Variants in ADPRHL1 observed in about 807,000 individuals in gnomAD.
ADPRHL1 encodes the protein ADP-ribosylhydrolase like 1, also known as inactive ADP-ribosyltransferase ARH2.
In ADPRHL1, 43 loss-of-function variants were observed where a neutral mutation model predicts 44.1. The ratio of observed to expected loss-of-function variants is 0.98; its 90% CI spans 0.76 to 1.26. The LOEUF (loss-of-function observed/expected upper bound fraction) is 1.26. ADPRHL1 is among the 50% of genes most tolerant of loss of function. The pLI, the probability that ADPRHL1 is intolerant of heterozygous loss-of-function variation, is 0.00. For missense variants in ADPRHL1, 2,022 were observed against 2,496.9 expected (o/e 0.81, Z 4.05); for synonymous variants, 878 against 1,017.4 (o/e 0.86, Z 2.61).
In ADPRHL1 at chr13:113,403,552, AG is replaced by A; in HGVS notation, c.5729del (p.Pro1910LeufsTer46). Reference protein sequence around the residue: ...APAQEGSPDHPGAERALQDRM... With the variant: ...APAQEGSPDHXGAERALQDRM... Reference sequence around the variant, plus strand: ...TGTCCTGCAGGGCCCTCTCAGCCCCAGGGTGGTCTGGGGACCCCTCCTGGGC... The same window carrying A: ...TGTCCTGCAGGGCCCTCTCAGCCCCAGGTGGTCTGGGGACCCCTCCTGGGC... On this transcript the variant is annotated frameshift_variant, in exon 8 of 8. Transcript: ENST00000612156. LOFTEE classifies it low-confidence loss of function (END_TRUNC). 2 of 1,231,826 alleles carry A rather than the reference AG, an allele frequency of 1.6e-6. No individual in the cohort carries two copies. Among genetic ancestry groups the A allele is most frequent in the African/African-American group, 1.6e-5 (1 of 64,486 alleles). The allele number at this position is 1,231,826 out of a possible 1,614,324, so 76.3% of individuals were successfully genotyped here.
rs78954382 is a variant in ADPRHL1 at position 113,422,533 on chromosome 13, C to T, written c.1061+293G>A. The T allele has an allele frequency of 2.3e-5, 9 of 387,182 alleles. No individual in the cohort carries two copies. In the South Asian group the frequency reaches 2.4e-4, roughly 11 times the overall value. The allele number at this position is 387,182 out of a possible 1,614,324, so 24.0% of individuals were successfully genotyped here. A position where few individuals can be genotyped will look rare whatever the true frequency, so the allele number is the denominator to read the frequency against. ...AGCTCTGCGACAGAATAAAATACAG[C>T]GCCTGTCCAGGAGACTGCGGGTGAG... On this transcript the variant is annotated intron_variant, in intron 7 of 7. Transcript: ENST00000612156.
chr13:113,405,871 T>A lies in ADPRHL1; in HGVS notation c.3411A>T (p.Gly1137=). ...APAPGSTQSP[G]DRTAGEPETL... The stretch of plus-strand genomic sequence containing the variant: ...TCTCTGGCTCTCCCGCTGTGCGGTC[T>A]CCAGGGCTCTGGGTGCTGCCTGGCG... Residue 1137 remains glycine (G), a synonymous_variant, in exon 8 of 8, where the codon GGA becomes GGT. Coordinates refer to ENST00000612156, the MANE Select transcript of ADPRHL1 (RefSeq NM_001394807.1). The A allele has an allele frequency of 3.2e-6, 4 of 1,231,910 alleles. No homozygotes were observed. Among genetic ancestry groups the A allele is most frequent in the Non-Finnish European group, 4.0e-6 (4 of 988,016 alleles). 76.3% of individuals were successfully genotyped at this position (1,231,910 alleles called of 1,614,324 possible). A position where few individuals can be genotyped will look rare whatever the true frequency, so the allele number is the denominator to read the frequency against.
chr13:113,434,676 C>T (rs9604108), intron 2 of ADPRHL1, among the ~76,000 whole-genome samples: 11,543 of 96,650 alleles, frequency 0.12, 351 homozygotes, highest in Middle Eastern at 0.19. Flanking sequence ...TACCCCGGGA[C>T]CCGGCACCCA....
intron 1 of ADPRHL1, among the ~76,000 whole-genome samples, 163 bp from the exon 2 acceptor site, chr13:113,444,752 A>T (rs1464407921): frequency 6.6e-6 from 1 of 152,146 alleles, no homozygotes; most frequent in African/African-American, 2.4e-5. Flanking sequence ...CCTCCTGAGT[A>T]GCTGGGACTA....
In ADPRHL1 at chr13:113,406,097, ACTGTCATGC is replaced by A. The variant is rs749189913; in HGVS notation, c.3176_3184del (p.Gly1059_Thr1061del). The A allele has an allele frequency of 7.8e-4, 958 of 1,232,020 alleles. 2 individuals are homozygous for A. Among genetic ancestry groups the A allele is most frequent in the Non-Finnish European group, 8.3e-4 (816 of 987,996 alleles). 76.3% of individuals were successfully genotyped at this position (1,232,020 alleles called of 1,614,324 possible). On this transcript the variant is annotated inframe_deletion, in exon 8 of 8. Transcript: ENST00000612156. ...TCTGCATTCCTCCAGCGCACCGGGCACTGTCATGCCCATCGGGGTGACACCCTCAGGCCC... is the reference window on the plus strand; with the variant it reads ...TCTGCATTCCTCCAGCGCACCGGGCACCATCGGGGTGACACCCTCAGGCCC...
chr13:113,431,478 G>C (rs558586352), intron 3 of ADPRHL1, among the ~76,000 whole-genome samples: 1 of 152,194 alleles, frequency 6.6e-6, no homozygotes. Context: ...GCTCTGGGCC[G>C]GTCCTGACCC....
At chr13:113,447,516 G>A (rs181285734) in intron 1 of ADPRHL1, among the ~76,000 whole-genome samples, 8 of 152,296 alleles carry the variant, frequency 5.3e-5, no homozygotes, top group African/African-American at 7.2e-5. Context: ...GGTGTTGTGT[G>A]TGCATGGTGT....
chr13:113,426,895 C>T (rs1210326130), intron 4 of ADPRHL1, among the ~76,000 whole-genome samples: 2 of 152,162 alleles, frequency 1.3e-5, no homozygotes, highest in East Asian at 3.8e-4. Flanking sequence ...TGCAGAGGGC[C>T]GTGTCAGGTG....
chr13:113,430,945 A>C (rs1160036532), intron 3 of ADPRHL1, among the ~76,000 whole-genome samples: 1 of 152,228 alleles, frequency 6.6e-6, no homozygotes, highest in African/African-American at 2.4e-5. Context: ...TCTGCCACTC[A>C]GTCCTCACGA....
intron 6 of ADPRHL1, 71 bp from the exon 7 acceptor site, chr13:113,423,050 C>T: frequency 3.1e-6 from 5 of 1,594,716 alleles, no homozygotes; most frequent in Non-Finnish European, 3.4e-6. Flanking sequence ...CTGGGGCTGG[C>T]CGCCCCTAAG....
In ADPRHL1 at chr13:113,403,317, TG is replaced by T; in HGVS notation, c.*60del. The T allele has an allele frequency of 8.2e-7, 1 of 1,221,470 alleles. No homozygotes were observed. Among genetic ancestry groups the T allele is most frequent in the Non-Finnish European group, 1.0e-6 (1 of 978,698 alleles). 75.7% of individuals were successfully genotyped at this position (1,221,470 alleles called of 1,614,324 possible). A position where few individuals can be genotyped will look rare whatever the true frequency, so the allele number is the denominator to read the frequency against. Reference sequence around the variant, plus strand: ...ACGCATTTGGAGGCAGGAAAATGCCTGAAGTCCCTCAATGGGCGGATGTCAC... The same window carrying T: ...ACGCATTTGGAGGCAGGAAAATGCCTAAGTCCCTCAATGGGCGGATGTCAC... On this transcript the variant is annotated 3_prime_UTR_variant, in exon 8 of 8. Transcript: ENST00000612156.
In ADPRHL1 at chr13:113,406,545, T is replaced by A; in HGVS notation, c.2737A>T (p.Ser913Cys). Residue 913 changes from serine (S) to cysteine (C), a missense_variant, in exon 8 of 8, where the codon AGC (serine) becomes TGC (cysteine). Coordinates refer to ENST00000612156, the MANE Select transcript of ADPRHL1 (RefSeq NM_001394807.1). ...CGTGGCCCCTGCGGCGAAGAGGCGC[T>A]GAGTCCCGCCTGCATCCCTGAAAGC... is the stretch of plus-strand genomic sequence containing the variant. ...SKLSGMQAGL[S>C]ASSPQGPRAA... 1 of 1,232,056 alleles carries A rather than the reference T, an allele frequency of 8.1e-7. No homozygotes were observed. Among genetic ancestry groups the A allele is most frequent in the Non-Finnish European group, 1.0e-6 (1 of 987,990 alleles). The allele number at this position is 1,232,056 out of a possible 1,614,324, so 76.3% of individuals were successfully genotyped here.
In ADPRHL1 at chr13:113,426,841, G is replaced by A. The variant is rs373412679; in HGVS notation, c.647-1662C>T. On this transcript the variant is annotated intron_variant, in intron 4 of 7. Transcript: ENST00000612156. ...GGGGTTGGCCAATTCGGAAACAGAC[G>A]TCTAAATACAAAAGCAGGGAGCTAA... Among the ~76,000 whole-genome samples the A allele has an allele frequency of 2.9e-4, 44 of 152,324 alleles. 1 individual carries two copies. The South Asian group carries it at 8.9e-3, about 31-fold the overall frequency.
chr13:113,418,339 G>A (rs1228341955), intron 7 of ADPRHL1, among the ~76,000 whole-genome samples: 2 of 152,192 alleles, frequency 1.3e-5, no homozygotes, highest in African/African-American at 2.4e-5. Flanking sequence ...GGTCTGACGG[G>A]GGCTGGGCTT....
chr13:113,424,099 C>A, intron 6 of ADPRHL1, 118 bp downstream of exon 6: 13 of 1,376,210 alleles, frequency 9.4e-6, no homozygotes, highest in Non-Finnish European at 9.8e-6. Context: ...GATGGACGCA[C>A]ATGCTGGAGC....
At chr13:113,415,218 C>A (rs770736215) in intron 7 of ADPRHL1, among the ~76,000 whole-genome samples, 1 of 152,182 alleles carries the variant, frequency 6.6e-6, no homozygotes, top group Non-Finnish European at 1.5e-5. Context: ...GGGACGAGAG[C>A]CCTTCTGGAG....
At chr13:113,415,679 A>G (rs2043883591) in intron 7 of ADPRHL1, among the ~76,000 whole-genome samples, 1 of 145,130 alleles carries the variant, frequency 6.9e-6, no homozygotes, top group African/African-American at 2.5e-5. Flanking sequence ...TGAACCCAGG[A>G]AGCAGAGGTT....
At chr13:113,452,717 C>T (rs1398497966) in intron 1 of ADPRHL1, among the ~76,000 whole-genome samples, 4 of 152,196 alleles carry the variant, frequency 2.6e-5, no homozygotes, top group Non-Finnish European at 5.9e-5. Flanking sequence ...AGATGATATT[C>T]TAACTTTAAT....
At chr13:113,408,880 T>TGCAGAGAGGAAGGGAGGGGGGGGCG (rs2043829359) in intron 7 of ADPRHL1, among the ~76,000 whole-genome samples, 1 of 92,386 alleles carries the variant, frequency 1.1e-5, no homozygotes, top group South Asian at 3.2e-4. Context: ...AGGAGGGGGC[T>TGCAGAGAGGAAGGGAGGGGGGGGCG]GCAGAGAGGA....
Sources: allele counts gnomAD v4.1 joint callset (sites outside exome capture counted in the v4.1 genomes callset), GRCh38; gene constraint gnomAD v4.1.1; transcripts MANE v1.5; gene names NCBI Gene and HGNC (gene_info 2026-07-23, HGNC 2026-07-21).